ESYT2: variants seen among roughly 807,000 people sequenced by gnomAD.
ESYT2 encodes extended synaptotagmin 2.
ESYT2 carries 54 observed loss-of-function variants against 107.2 expected under a neutral mutation model. The observed-to-expected ratio is 0.50, with a 90% CI of 0.40 to 0.63. The LOEUF (loss-of-function observed/expected upper bound fraction) is 0.63. ESYT2 is among the 30% of genes least tolerant of loss of function. The pLI, the probability that ESYT2 is intolerant of heterozygous loss-of-function variation, is 0.00. For missense variants in ESYT2, 1,020 were observed against 1,094.5 expected, an observed-to-expected ratio of 0.93 and a Z score of 0.96; for synonymous variants, 491 against 434.1, an observed-to-expected ratio of 1.13 and a Z score of -1.63.
rs1836764302 is a variant in ESYT2, at chr7:158,731,873, G to GA, written c.*2333dup. 6.6e-6 allele frequency: 1 copy of GA among 152,484 alleles called. No individual in the cohort carries two copies. Among genetic ancestry groups the GA allele is most frequent in the African/African-American group, 2.4e-5 (1 of 41,408 alleles). The allele number at this position is 152,484 out of a possible 1,614,324, so 9.4% of individuals were successfully genotyped here. On this transcript the variant is annotated 3_prime_UTR_variant, in exon 23 of 23. Coordinates refer to ENST00000275418, the MANE Select transcript of ESYT2 (RefSeq NM_001367773.1). ...ATCCTGGAGTGCTGAGTGTGGCCTCGATGGTGGCTTCACTCCTCCACATCT... is the reference window on the plus strand; with the variant it reads ...ATCCTGGAGTGCTGAGTGTGGCCTCGAATGGTGGCTTCACTCCTCCACATCT...
intron 16 of ESYT2, among the ~76,000 whole-genome samples, chr7:158,745,440 T>A (rs80170391): frequency 1.3e-4 from 19 of 143,262 alleles, no homozygotes; most frequent in African/African-American, 4.3e-4. Flanking sequence ...CTGATATAAG[T>A]AGTCTGAGAA....
intron 8 of ESYT2, among the ~76,000 whole-genome samples, 166 bp downstream of exon 8, chr7:158,767,488 G>A (rs144036601): frequency 1.4e-3 from 219 of 152,318 alleles, no homozygotes; most frequent in Middle Eastern, 3.4e-3. Flanking sequence ...CATCAGTCAA[G>A]TCTCTTAAGG....
Position 158,734,017 on chromosome 7 carries a change from T to A in ESYT2, c.*190A>T. The A allele has an allele frequency of 1.5e-6, 1 of 654,656 alleles. No individual in the cohort carries two copies. Among genetic ancestry groups the A allele is most frequent in the Non-Finnish European group, 2.5e-6 (1 of 393,934 alleles). 40.6% of individuals were successfully genotyped at this position (654,656 alleles called of 1,614,324 possible). On this transcript the variant is annotated 3_prime_UTR_variant, in exon 23 of 23. Coordinates refer to ENST00000275418, the MANE Select transcript of ESYT2 (RefSeq NM_001367773.1). ...GGAACTGGCGAAATCCTAGAGGAAA[T>A]CCAACACAGAAAATTCAATGATAAT...
intron 15 of ESYT2, among the ~76,000 whole-genome samples, chr7:158,749,105 T>C (rs570276795): frequency 6.6e-5 from 10 of 152,128 alleles, no homozygotes; most frequent in Non-Finnish European, 1.3e-4. Context: ...CTTTCTAATG[T>C]TATTTTTGTT....
At chr7:158,781,200 A>G (rs942848198) in intron 6 of ESYT2, among the ~76,000 whole-genome samples, 1 of 152,184 alleles carries the variant, frequency 6.6e-6, no homozygotes, top group Non-Finnish European at 1.5e-5. Context: ...AACAAGTATG[A>G]GTGAACAAGT....
intron 1 of ESYT2, among the ~76,000 whole-genome samples, chr7:158,803,843 G>A (rs1266391228): frequency 1.7e-5 from 2 of 118,378 alleles, no homozygotes; most frequent in Admixed American, 8.3e-5. Context: ...AACCCAAACC[G>A]TCGAGAAGGG....
rs1305117233 is a variant in ESYT2 at position 158,752,666 on chromosome 7, C to T, written c.1482+115G>A. 6 of 579,552 alleles carry T rather than the reference C, an allele frequency of 1.0e-5. No individual in the cohort carries two copies. The East Asian group carries it at 3.5e-4, about 34-fold the overall frequency. 35.9% of individuals were successfully genotyped at this position (579,552 alleles called of 1,614,324 possible). Reference sequence around the variant, plus strand: ...CAAAAGTAGGGTCTCTTCCACTAGACAATTAATTACTACATAAATATGGGA... The same window carrying T: ...CAAAAGTAGGGTCTCTTCCACTAGATAATTAATTACTACATAAATATGGGA... On this transcript the variant is annotated intron_variant, in intron 14 of 22. Transcript: ENST00000275418.
intron 1 of ESYT2, among the ~76,000 whole-genome samples, chr7:158,806,984 T>C (rs1474402658): frequency 6.6e-6 from 1 of 152,090 alleles, no homozygotes; most frequent in Non-Finnish European, 1.5e-5. Context: ...TGAATCCAGC[T>C]TTGTGTGACT....
At position 158,785,296 on chromosome 7, in the gene ESYT2, G is replaced by T. The variant is rs553088925; in HGVS notation, c.747+2708C>A. Among the ~76,000 whole-genome samples the T allele has an allele frequency of 9.2e-5, 14 of 152,156 alleles. No individual in the cohort carries two copies. In the South Asian group the frequency reaches 2.7e-3, roughly 29 times the overall value. ...AAAAATTAGCCAGGCGTGGTGGTGG[G>T]TGCCTGTAATCTCAGCTGCTCTGGA... On this transcript the variant is annotated intron_variant, in intron 6 of 22. Transcript: ENST00000275418.
chr7:158,810,440 G>A (rs993308707), intron 1 of ESYT2, among the ~76,000 whole-genome samples: 1 of 152,190 alleles, frequency 6.6e-6, no homozygotes, highest in African/African-American at 2.4e-5. Context: ...CAGCACTGTG[G>A]AGGAAAGCTG....
chr7:158,823,343 T>A (rs1473314214), intron 1 of ESYT2, among the ~76,000 whole-genome samples: 1 of 148,344 alleles, frequency 6.7e-6, no homozygotes, highest in Non-Finnish European at 1.5e-5. Context: ...TTTTTTTTTT[T>A]AGAGACGGAC....
chr7:158,813,842 G>A (rs543474049), intron 1 of ESYT2, among the ~76,000 whole-genome samples: 12 of 151,700 alleles, frequency 7.9e-5, no homozygotes, highest in East Asian at 7.8e-4. Context: ...TACGTTCCTC[G>A]TCCCGATGAC....
At chr7:158,802,578 G>A (rs551955652) in intron 1 of ESYT2, among the ~76,000 whole-genome samples, 1 of 152,292 alleles carries the variant, frequency 6.6e-6, no homozygotes, top group East Asian at 1.9e-4. Flanking sequence ...ACCACACCAG[G>A]CTGATATAAG....
rs374355446 is a variant in ESYT2 at position 158,773,410 on chromosome 7, A to T, written c.748-14T>A. The stretch of plus-strand genomic sequence containing the variant: ...AATTTCTAAAAGCTGTTTTAAAACA[A>T]GGGCAAAATATTAAGTTCCAAACAA... On this transcript the variant is annotated splice_polypyrimidine_tract_variant and intron_variant, in intron 6 of 22. Coordinates refer to ENST00000275418, the MANE Select transcript of ESYT2 (RefSeq NM_001367773.1). The T allele has an allele frequency of 1.9e-5, 31 of 1,613,764 alleles. No individual in the cohort carries two copies. Among genetic ancestry groups the T allele is most frequent in the Non-Finnish European group, 2.3e-5 (27 of 1,179,808 alleles).
At position 158,788,325 on chromosome 7, in the gene ESYT2, C is replaced by T; in HGVS notation, c.657+20G>A. On this transcript the variant is annotated intron_variant, in intron 5 of 22. Transcript: ENST00000275418. ...ACTTTAGAAAACTGTCAAATTAAAACAAAAAAACAAAAAACTTACCTGGAT... is the reference window on the plus strand; with the variant it reads ...ACTTTAGAAAACTGTCAAATTAAAATAAAAAAACAAAAAACTTACCTGGAT... The T allele has an allele frequency of 6.3e-7, 1 of 1,588,712 alleles. No homozygotes were observed. The highest frequency in any genetic ancestry group is 8.5e-7 in the Non-Finnish European group (1 of 1,171,424).
intron 14 of ESYT2, among the ~76,000 whole-genome samples, chr7:158,750,681 A>G (rs1226262635): frequency 6.6e-6 from 1 of 152,232 alleles, no homozygotes; most frequent in Non-Finnish European, 1.5e-5. Flanking sequence ...CCAAGGCTAC[A>G]GATTACTGTG....
intron 15 of ESYT2, among the ~76,000 whole-genome samples, chr7:158,748,779 G>A (rs1837489748): frequency 6.6e-6 from 1 of 151,638 alleles, no homozygotes; most frequent in Admixed American, 6.6e-5. Flanking sequence ...GAGTGCAGTG[G>A]CGCAATCTCA....
At chr7:158,764,242 A>G (rs1042891727) in intron 9 of ESYT2, among the ~76,000 whole-genome samples, 1 of 152,188 alleles carries the variant, frequency 6.6e-6, no homozygotes, top group Non-Finnish European at 1.5e-5. Context: ...GAAGGCGTCT[A>G]TTCGATGGAA....
At chr7:158,782,585 TGA>T (rs374423358) in intron 6 of ESYT2, among the ~76,000 whole-genome samples, 69 of 83,760 alleles carry the variant, frequency 8.2e-4, no homozygotes, top group African/African-American at 1.9e-3. Flanking sequence ...GAACAAAGAA[TGA>T]GTGTGAAGGA....
Sources: allele counts gnomAD v4.1 joint callset (sites outside exome capture counted in the v4.1 genomes callset), GRCh38; gene constraint gnomAD v4.1.1; transcripts MANE v1.5; gene names NCBI Gene and HGNC (gene_info 2026-07-23, HGNC 2026-07-21).